APCDD1: variants seen among roughly 807,000 people sequenced by gnomAD.
APCDD1 encodes protein APCDD1.
A neutral mutation model predicts 38.1 loss-of-function variants in APCDD1; 15 were observed. The observed-to-expected ratio is 0.39, with a 90% CI of 0.26 to 0.61. The LOEUF is 0.61. Ranked by LOEUF, APCDD1 falls within the 20% of genes least tolerant of loss-of-function variation. The probability of loss-of-function intolerance (pLI) is 0.49; values close to 1 mark genes in which losing one functional copy is unlikely to be tolerated. For missense variants in APCDD1, 647 were observed against 696.2 expected, an observed-to-expected ratio of 0.93 and a Z score of 0.79; for synonymous variants, 261 against 279.7, an observed-to-expected ratio of 0.93 and a Z score of 0.67.
chr18:10,485,882 G>C lies in APCDD1; in HGVS notation c.1096+99G>C. 1 of 1,323,364 alleles carries C rather than the reference G, an allele frequency of 7.6e-7. No individual in the cohort carries two copies. The highest frequency in any genetic ancestry group is 1.1e-6 in the Non-Finnish European group (1 of 950,748). 82.0% of individuals were successfully genotyped at this position (1,323,364 alleles called of 1,614,324 possible). A position where few individuals can be genotyped will look rare whatever the true frequency, so the allele number is the denominator to read the frequency against. Reference sequence around the variant, plus strand: ...GAGGGAAAGGACCTCTTTTCTGCCTGAGTTCCCAGGAAAGAAATTGGGGAG... The same window carrying C: ...GAGGGAAAGGACCTCTTTTCTGCCTCAGTTCCCAGGAAAGAAATTGGGGAG... On this transcript the variant is annotated intron_variant, in intron 4 of 4. Coordinates refer to ENST00000355285, the MANE Select transcript of APCDD1 (RefSeq NM_153000.5). This position sits in a 1 kb window ranked among gnomAD's most constrained non-coding sequence, Gnocchi z 5.8.
chr18:10,462,407 TTTCC>T (rs1251076346), intron 1 of APCDD1, among the ~76,000 whole-genome samples: 2 of 93,532 alleles, frequency 2.1e-5, no homozygotes, highest in Non-Finnish European at 4.5e-5. Context: ...TCCTGTCTTC[TTTCC>T]TTCCTTCCTT....
rs1267305223 is a variant in APCDD1, at chr18:10,487,714, C to T, written c.1221C>T (p.Thr407=). Residue 407 remains threonine, a synonymous_variant, in exon 5 of 5, where the codon ACC becomes ACT. Coordinates refer to ENST00000355285, the MANE Select transcript of APCDD1 (RefSeq NM_153000.5). The stretch of plus-strand genomic sequence containing the variant: ...GCATCCAGCAGGATGTGACCCACAC[C>T]AATGGCTGCGTGGCCCTGGGCATCA... ...QVGIQQDVTH[T]NGCVALGIKL... is the part of the protein sequence containing the mutation. The T allele has an allele frequency of 2.8e-5, 45 of 1,614,032 alleles. No individual in the cohort carries two copies. The East Asian group carries it at 9.8e-4, about 35-fold the overall frequency.
rs970500163 is a variant in APCDD1 at position 10,468,783 on chromosome 18, G to A, written c.242+131G>A. 1.2e-5 allele frequency: 11 copies of A among 946,404 alleles called. No homozygotes were observed. The African/African-American group carries it at 1.8e-4, about 16-fold the overall frequency. The allele number at this position is 946,404 out of a possible 1,614,324, so 58.6% of individuals were successfully genotyped here. A position where few individuals can be genotyped will look rare whatever the true frequency, so the allele number is the denominator to read the frequency against. ...TAGGTGTTGTCCAAGTTCTAATGAA[G>A]AACCAAACCACTCTTTGAAATTATG... On this transcript the variant is annotated intron_variant, in intron 2 of 4. Transcript: ENST00000355285.
At chr18:10,457,128 A>C (rs1349714120) in intron 1 of APCDD1, among the ~76,000 whole-genome samples, 1 of 152,268 alleles carries the variant, frequency 6.6e-6, no homozygotes, top group Non-Finnish European at 1.5e-5. Context: ...AGGTCTACTT[A>C]GATCCAGCAG....
chr18:10,456,498 AAGAT>A (rs1317992368), intron 1 of APCDD1, among the ~76,000 whole-genome samples: 3 of 152,232 alleles, frequency 2.0e-5, no homozygotes, highest in African/African-American at 7.2e-5. Context: ...GTGAAGAAAA[AAGAT>A]AGTATGGTCA....
rs770344284 is a variant in APCDD1 at position 10,471,948 on chromosome 18, C to T, written c.661C>T (p.His221Tyr). Residue 221 changes from histidine to tyrosine, a missense_variant, in exon 3 of 5, where the codon CAC becomes TAC. Physicochemically the swap from His to Tyr is moderately conservative, Grantham distance 83. Coordinates refer to ENST00000355285, the MANE Select transcript of APCDD1 (RefSeq NM_153000.5). The surrounding 1 kb of genome is among the most constrained non-coding windows in gnomAD (Gnocchi z 5.5). ...CCGGGTGGAGAAGCAGTACCTTCAC[C>T]ACAACCTCGACCACCTGGTCGAGGA... ...LIRVEKQYLH[H>Y]NLDHLVEELF... 6.2e-7 allele frequency: 1 copy of T among 1,613,970 alleles called. No individual in the cohort carries two copies. The highest frequency in any genetic ancestry group is 1.3e-5 in the African/African-American group (1 of 74,928).
intron 3 of APCDD1, chr18:10,477,607 T>C (rs666064): frequency 0.55 from 82,938 of 152,058 alleles, 24,087 homozygotes; most frequent in African/African-American, 0.75. Context: ...AAGTGGTAAA[T>C]ATTTTATCCC....
rs56849201 is a variant in APCDD1, at chr18:10,459,316, GCACA to G, written c.58+4298_58+4301del. On this transcript the variant is annotated intron_variant, in intron 1 of 4. Transcript: ENST00000355285. ...TCCCTGCTGGGAATCCCACAAGCGTGCACACACACACACACACACACACAGACCA... is the reference window on the plus strand; with the variant it reads ...TCCCTGCTGGGAATCCCACAAGCGTGCACACACACACACACACACAGACCA... Among the ~76,000 whole-genome samples, 663 of 150,238 alleles carry G rather than the reference GCACA, an allele frequency of 4.4e-3. 4 individuals carry two copies. The highest frequency in any genetic ancestry group is 0.014 in the African/African-American group (560 of 40,886).
chr18:10,472,100 A>T lies in APCDD1; in HGVS notation c.774+39A>T. 6.2e-7 allele frequency: 1 copy of T among 1,611,674 alleles called. No homozygotes were observed. Among genetic ancestry groups the T allele is most frequent in the Non-Finnish European group, 8.5e-7 (1 of 1,179,776 alleles). On this transcript the variant is annotated intron_variant, in intron 3 of 4. Transcript: ENST00000355285. This position sits in a 1 kb window ranked among gnomAD's most constrained non-coding sequence, Gnocchi z 6.6. ...CTGTGTTCTCCTCTTTATTGAGTAA[A>T]GTGGGTGATCCTTCTTAAAGGCTTG...
chr18:10,477,444 C>T (rs1002827940), intron 3 of APCDD1: 4 of 152,220 alleles, frequency 2.6e-5, no homozygotes, highest in African/African-American at 7.2e-5. Flanking sequence ...GTCACAATCA[C>T]TGGGCTACAA....
chr18:10,481,714 G>T (rs2031144050), intron 3 of APCDD1, among the ~76,000 whole-genome samples: 1 of 149,284 alleles, frequency 6.7e-6, no homozygotes, highest in Non-Finnish European at 1.5e-5. Context: ...TTAGGGATTT[G>T]GCAAGACCAA....
rs1432298194 is a variant in APCDD1, at chr18:10,467,571, T to C, written c.59-898T>C. ...GTGGTAGTTTTGCATGGGTAGATTG[T>C]GGCCAACCTGCATGACTCGTTCTGA... On this transcript the variant is annotated intron_variant, in intron 1 of 4. Coordinates refer to ENST00000355285, the MANE Select transcript of APCDD1 (RefSeq NM_153000.5). This position sits in a 1 kb window ranked among gnomAD's most constrained non-coding sequence, Gnocchi z 4.8. 1.3e-5 allele frequency among the ~76,000 whole-genome samples: 2 copies of C among 152,230 alleles called. No individual in the cohort carries two copies. The highest frequency in any genetic ancestry group is 4.8e-5 in the African/African-American group (2 of 41,466).
intron 1 of APCDD1, among the ~76,000 whole-genome samples, chr18:10,462,176 CTT>C (rs1195806869): frequency 6.6e-6 from 1 of 152,106 alleles, no homozygotes; most frequent in African/African-American, 2.4e-5. Context: ...GGCTTAAAAA[CTT>C]AGCATTATAT....
intron 1 of APCDD1, among the ~76,000 whole-genome samples, chr18:10,458,381 A>G (rs1229667979): frequency 6.6e-6 from 1 of 152,228 alleles, no homozygotes; most frequent in Non-Finnish European, 1.5e-5. Flanking sequence ...TAATGTGAGG[A>G]AACGTTTATA....
chr18:10,472,091 A>G lies in APCDD1; in HGVS notation c.774+30A>G, dbSNP rs1411341764. ...CTCAGAGCTCTGTGTTCTCCTCTTT[A>G]TTGAGTAAAGTGGGTGATCCTTCTT... On this transcript the variant is annotated intron_variant, in intron 3 of 4. Coordinates refer to ENST00000355285, the MANE Select transcript of APCDD1 (RefSeq NM_153000.5). The surrounding 1 kb of genome is among the most constrained non-coding windows in gnomAD (Gnocchi z 6.6). 8 of 1,612,100 alleles carry G rather than the reference A, an allele frequency of 5.0e-6. No individual in the cohort carries two copies. The highest frequency in any genetic ancestry group is 6.8e-6 in the Non-Finnish European group (8 of 1,179,910).
chr18:10,456,234 C>A (rs867409266), intron 1 of APCDD1, among the ~76,000 whole-genome samples: 1 of 152,266 alleles, frequency 6.6e-6, no homozygotes, highest in African/African-American at 2.4e-5. Context: ...GTACTCAGAG[C>A]CCCAGTGATC....
chr18:10,459,653 G>A (rs1284175296), intron 1 of APCDD1, among the ~76,000 whole-genome samples: 2 of 152,120 alleles, frequency 1.3e-5, no homozygotes, highest in African/African-American at 4.8e-5. Flanking sequence ...CCACAATGGT[G>A]GTAAAATTCA....
At chr18:10,455,187 G>C in intron 1 of APCDD1, 148 bp downstream of exon 1, 1 of 1,358,548 alleles carries the variant, frequency 7.4e-7, no homozygotes, top group Non-Finnish European at 9.7e-7. Context: ...CGCGCCTGCC[G>C]TCTCAGCCCT....
At position 10,472,459 on chromosome 18, in the gene APCDD1, C is replaced by A. The variant is rs527432459; in HGVS notation, c.774+398C>A. On this transcript the variant is annotated intron_variant, in intron 3 of 4. Transcript: ENST00000355285. This position sits in a 1 kb window ranked among gnomAD's most constrained non-coding sequence, Gnocchi z 6.6. ...TGGAAAAGATACTAAACAATAGCAG[C>A]TACCCAGGCCCTGGAGGAGGCGGGG... Among the ~76,000 whole-genome samples the A allele has an allele frequency of 9.8e-4, 149 of 152,316 alleles. No homozygotes were observed. The highest frequency in any genetic ancestry group is 1.5e-3 in the Non-Finnish European group (103 of 68,024).
Sources: allele counts gnomAD v4.1 joint callset (sites outside exome capture counted in the v4.1 genomes callset), GRCh38; gene constraint gnomAD v4.1.1; non-coding constraint Gnocchi (gnomAD v3.1); transcripts MANE v1.5; gene names NCBI Gene and HGNC (gene_info 2026-07-23, HGNC 2026-07-21).